PDCD6: variants seen among roughly 807,000 people sequenced by gnomAD.
The protein encoded by PDCD6 is programmed cell death protein 6.
A neutral mutation model predicts 28.3 loss-of-function variants in PDCD6; 12 were observed. That is an observed-to-expected ratio of 0.42 (90% CI 0.27 to 0.69). The LOEUF is 0.69. PDCD6 is among the 30% of genes least tolerant of loss of function. PDCD6 has a pLI of 0.22. For synonymous variants in PDCD6, 92 were observed against 108.0 expected, an observed-to-expected ratio of 0.85 and a Z score of 0.92; for missense variants, 226 against 269.9, an observed-to-expected ratio of 0.84 and a Z score of 1.14.
chr5:284,017 A>G (rs940497384), intron 2 of PDCD6, among the ~76,000 whole-genome samples: 7 of 151,916 alleles, frequency 4.6e-5, no homozygotes, highest in African/African-American at 1.7e-4. Context: ...GCAGCTGAAG[A>G]CTCGGGGTGG....
chr5:314,111 G>A (rs1741115235), intron 5 of PDCD6, among the ~76,000 whole-genome samples: 1 of 152,240 alleles, frequency 6.6e-6, no homozygotes, highest in African/African-American at 2.4e-5. Context: ...GTCTTCAGGG[G>A]GAGAAGGAAG....
intron 2 of PDCD6, among the ~76,000 whole-genome samples, chr5:284,615 G>A (rs1478176094): frequency 1.3e-5 from 2 of 151,920 alleles, no homozygotes; most frequent in Non-Finnish European, 2.9e-5. Context: ...GACCTGGTTG[G>A]GAGGTGATGT....
intron 4 of PDCD6, chr5:309,875 G>A (rs1740784718): frequency 1.3e-4 from 1 of 7,428 alleles, no homozygotes; most frequent in Non-Finnish European, 2.6e-4. Context: ...GATGGCCGCC[G>A]TCCCCGTGCA....
chr5:290,443 G>A, intron 2 of PDCD6: 2 of 636,020 alleles, frequency 3.1e-6, no homozygotes, highest in Non-Finnish European at 5.7e-6. Flanking sequence ...TGCAGGCCAA[G>A]TTGGGTGGGG....
chr5:299,550 G>GT (rs1476565882), intron 2 of PDCD6, among the ~76,000 whole-genome samples: 1 of 131,974 alleles, frequency 7.6e-6, no homozygotes, highest in African/African-American at 3.9e-5. Context: ...TTCTTTTGAA[G>GT]GTTTTTTTTT....
intron 4 of PDCD6, 77 bp downstream of exon 4, chr5:306,837 T>C: frequency 7.1e-7 from 1 of 1,405,504 alleles, no homozygotes; most frequent in Non-Finnish European, 1.0e-6. Flanking sequence ...TAAACCTTGT[T>C]GGACTTAACT....
intron 2 of PDCD6, chr5:276,996 C>G: frequency 2.1e-6 from 2 of 961,766 alleles, no homozygotes; most frequent in Non-Finnish European, 2.5e-6. Context: ...TCACATATTT[C>G]TTGGAATTAT....
At chr5:285,468 C>T (rs1186372476) in intron 2 of PDCD6, among the ~76,000 whole-genome samples, 2 of 151,844 alleles carry the variant, frequency 1.3e-5, no homozygotes. Context: ...GCTGGAGACC[C>T]GGCGGGGAGC....
At chr5:298,712 A>C (rs191960871) in intron 2 of PDCD6, among the ~76,000 whole-genome samples, 24 of 34,576 alleles carry the variant, frequency 6.9e-4, no homozygotes, top group East Asian at 2.0e-3. Context: ...AGCTGCTCCC[A>C]CCCAGCTGCT....
Position 306,602 on chromosome 5 carries a change from C to T in PDCD6, c.209C>T (p.Ser70Phe), listed in dbSNP as rs1463150648. 4.3e-6 allele frequency: 7 copies of T among 1,613,278 alleles called. No homozygotes were observed. The Admixed American group carries it at 8.3e-5, about 19-fold the overall frequency. ...FNPVTVRSIISMFDRENKAGV... is the reference protein window; with the variant it reads ...FNPVTVRSIIFMFDRENKAGV... ...GCTTGACCGTTCCTCTCTGTCTCAG[C>T]CATGTTTGACCGTGAGAACAAGGCC... is the stretch of plus-strand genomic sequence containing the variant. The change falls in exon 4 of 6, where the codon TCC becomes TTC. Residue 70 changes from serine to phenylalanine, a missense_variant and splice_region_variant. Around this residue, in one of 3 missense-constraint regions of PDCD6, gnomAD observed 151 missense variants for 177.2 expected, o/e 0.85. Transcript: ENST00000264933.
At chr5:306,854 C>T in intron 4 of PDCD6, 94 bp downstream of exon 4, 6 of 1,278,402 alleles carry the variant, frequency 4.7e-6, no homozygotes, top group Non-Finnish European at 6.8e-6. Flanking sequence ...AACTGATTGT[C>T]TAACCAGGCT....
At chr5:304,306 C>T (rs1740327611) in intron 3 of PDCD6, 85 bp downstream of exon 3, 1 of 918,024 alleles carries the variant, frequency 1.1e-6, no homozygotes, top group Non-Finnish European at 1.6e-6. Context: ...GTCTGTGGGT[C>T]CGTATCACTT....
chr5:307,395 A>G lies in PDCD6; in HGVS notation c.367+635A>G, dbSNP rs1406409308. 6.6e-6 allele frequency among the ~76,000 whole-genome samples: 1 copy of G among 151,334 alleles called. No homozygotes were observed. The highest frequency in any genetic ancestry group is 1.5e-5 in the Non-Finnish European group (1 of 67,724). On this transcript the variant is annotated intron_variant, in intron 4 of 5. Coordinates refer to ENST00000264933, the MANE Select transcript of PDCD6 (RefSeq NM_013232.4). The surrounding 1 kb of genome is among the most constrained non-coding windows in gnomAD (Gnocchi z 6.1). ...TGCCGTGCGCCTCAGAAGGGGCGTT[A>G]GGCAGAACGCGTGCCCATTCTCAGG...
intron 2 of PDCD6, among the ~76,000 whole-genome samples, chr5:298,165 G>C (rs1283685872): frequency 2.0e-5 from 3 of 152,164 alleles, no homozygotes; most frequent in Non-Finnish European, 2.9e-5. Flanking sequence ...CCAGGCACGG[G>C]TCGAGCTGGA....
chr5:289,374 T>C (rs547934772), intron 2 of PDCD6: 2 of 595,058 alleles, frequency 3.4e-6, no homozygotes, highest in Admixed American at 6.5e-5. Flanking sequence ...TTGAGGATCT[T>C]CTTACTCCTC....
chr5:312,764 C>T, intron 5 of PDCD6, among the ~76,000 whole-genome samples: 1 of 151,254 alleles, frequency 6.6e-6, no homozygotes, highest in Non-Finnish European at 1.5e-5. Context: ...GAGCCGAGAT[C>T]ACACCACTGC....
rs964357289 is a variant in PDCD6, at chr5:314,611, T to C, written c.*96T>C. 1.1e-6 allele frequency: 1 copy of C among 869,874 alleles called. No individual in the cohort carries two copies. The allele number at this position is 869,874 out of a possible 1,614,324, so 53.9% of individuals were successfully genotyped here. ...ATGGAGCACAGGTGCAGTTAGATGC[T>C]GTTCTTCCTTTAGATTTTGTCACGT... On this transcript the variant is annotated 3_prime_UTR_variant, in exon 6 of 6. Transcript: ENST00000264933.
chr5:289,091 A>G, intron 2 of PDCD6: 3 of 1,212,586 alleles, frequency 2.5e-6, no homozygotes, highest in Non-Finnish European at 3.6e-6. Context: ...CAGTTGAGGC[A>G]TCATCAGATT....
At chr5:291,799 C>G (rs2126723164) in intron 2 of PDCD6, among the ~76,000 whole-genome samples, 2 of 152,334 alleles carry the variant, frequency 1.3e-5, no homozygotes, top group South Asian at 4.1e-4. Flanking sequence ...CTTCCATCTT[C>G]CTGTGGATGA....
Sources: allele counts gnomAD v4.1 joint callset (sites outside exome capture counted in the v4.1 genomes callset), GRCh38; gene constraint gnomAD v4.1.1; regional missense constraint gnomAD v4.1.1; non-coding constraint Gnocchi (gnomAD v3.1); transcripts MANE v1.5; gene names NCBI Gene and HGNC (gene_info 2026-07-23, HGNC 2026-07-21).